The following TMEM130 variants were observed in gnomAD, a reference collection of about 807,000 sequenced individuals.
The protein encoded by TMEM130 is transmembrane protein 130.
TMEM130 carries 37 observed loss-of-function variants against 42.9 expected under a neutral mutation model. The observed-to-expected ratio is 0.86, with a 90% CI of 0.66 to 1.13. The LOEUF is 1.13. TMEM130 is among the 50% of genes most tolerant of loss of function. The pLI, the probability that TMEM130 is intolerant of heterozygous loss-of-function variation, is 0.00. For missense variants in TMEM130, 545 were observed against 562.6 expected, an observed-to-expected ratio of 0.97 and a Z score of 0.32; for synonymous variants, 259 against 237.7, an observed-to-expected ratio of 1.09 and a Z score of -0.82.
At position 98,849,331 on chromosome 7, in the gene TMEM130, G is replaced by C. The variant is rs758619203; in HGVS notation, c.1007-636C>G. On this transcript the variant is annotated intron_variant, in intron 6 of 7. Transcript: ENST00000339375. ...TGCTAAGGAGATGCAACAAGAAGAGGGGTGTTGATGTGTGTGGCATGTGGT... is the reference window on the plus strand; with the variant it reads ...TGCTAAGGAGATGCAACAAGAAGAGCGGTGTTGATGTGTGTGGCATGTGGT... Among the ~76,000 whole-genome samples the C allele has an allele frequency of 4.6e-5, 7 of 152,160 alleles. No individual in the cohort carries two copies. In the East Asian group the frequency reaches 1.3e-3, roughly 29 times the overall value.
intron 3 of TMEM130, among the ~76,000 whole-genome samples, chr7:98,857,875 C>T (rs782380867): frequency 1.3e-5 from 2 of 151,864 alleles, no homozygotes; most frequent in African/African-American, 2.4e-5. Flanking sequence ...CAGGCGCACA[C>T]CACCATGCCT....
At chr7:98,849,373 T>A (rs1289273061) in intron 6 of TMEM130, among the ~76,000 whole-genome samples, 3 of 152,078 alleles carry the variant, frequency 2.0e-5, no homozygotes, top group Non-Finnish European at 4.4e-5. Context: ...TCAGGAAGTG[T>A]GGGTTCCCTC....
intron 2 of TMEM130, among the ~76,000 whole-genome samples, chr7:98,862,371 CAGAA>C (rs1468537005): frequency 1.4e-5 from 2 of 147,350 alleles, no homozygotes; most frequent in African/African-American, 2.5e-5. Flanking sequence ...CAGAGAGAGA[CAGAA>C]AGAGACAGAC....
At chr7:98,867,229 G>A (rs945532509) in intron 1 of TMEM130, among the ~76,000 whole-genome samples, 1 of 152,186 alleles carries the variant, frequency 6.6e-6, no homozygotes, top group Admixed American at 6.5e-5. Flanking sequence ...CAGAAGCTGT[G>A]ATGGGAGCTT....
In TMEM130 at chr7:98,855,242, C is replaced by T. The variant is rs1794600472; in HGVS notation, c.801G>A (p.Gly267=). ...QKMTVTLNFL[G]SPPLTVCWRL... ...AGTGCGCTCTGGAGCTCACTTACCT[C>T]CCCAGGAAGTTCAAGGTCACGGTCA... Residue 267 remains glycine, a splice_region_variant and synonymous_variant, in exon 5 of 8, where the codon GGG becomes GGA. Coordinates refer to ENST00000339375, the MANE Select transcript of TMEM130 (RefSeq NM_152913.3). 1.9e-6 allele frequency: 3 copies of T among 1,612,912 alleles called. No individual in the cohort carries two copies. The highest frequency in any genetic ancestry group is 2.5e-6 in the Non-Finnish European group (3 of 1,179,354).
At chr7:98,850,023 G>A (rs916408140) in intron 6 of TMEM130, among the ~76,000 whole-genome samples, 1 of 151,792 alleles carries the variant, frequency 6.6e-6, no homozygotes, top group Admixed American at 6.6e-5. Context: ...CAAGAAAGAA[G>A]GTTGGGCATC....
intron 3 of TMEM130, among the ~76,000 whole-genome samples, chr7:98,858,999 G>A (rs1794694775): frequency 6.8e-6 from 1 of 148,064 alleles, no homozygotes. Context: ...AGGGAGGGAG[G>A]GGAGAGGAGA....
chr7:98,854,916 A>C (rs1329720977), intron 5 of TMEM130, among the ~76,000 whole-genome samples: 1 of 152,036 alleles, frequency 6.6e-6, no homozygotes, highest in Non-Finnish European at 1.5e-5. Flanking sequence ...TGCACCTGTA[A>C]TCCCAGCTAG....
At chr7:98,860,410 T>C (rs879982152) in intron 2 of TMEM130, 72 bp from the exon 3 acceptor site, 3 of 1,454,624 alleles carry the variant, frequency 2.1e-6, no homozygotes, top group East Asian at 2.4e-5. Context: ...AGAGACTTCA[T>C]GGGCAGCTGT....
At chr7:98,858,681 T>G (rs1447395924) in intron 3 of TMEM130, among the ~76,000 whole-genome samples, 1 of 151,994 alleles carries the variant, frequency 6.6e-6, no homozygotes, top group African/African-American at 2.4e-5. Flanking sequence ...TAAGATCCTG[T>G]CTCTACAAAA....
At chr7:98,853,591 G>A (rs1441496519) in intron 5 of TMEM130, among the ~76,000 whole-genome samples, 1 of 152,234 alleles carries the variant, frequency 6.6e-6, no homozygotes, top group Non-Finnish European at 1.5e-5. Flanking sequence ...TTGCACCACT[G>A]CACTCAAGCC....
intron 4 of TMEM130, 93 bp from the exon 5 acceptor site, chr7:98,855,417 TC>T: frequency 9.0e-7 from 1 of 1,108,784 alleles, no homozygotes; most frequent in Non-Finnish European, 1.3e-6. Flanking sequence ...CACCCTGTCC[TC>T]CCCTCCGTCC....
chr7:98,852,892 T>G (rs1353105828), intron 5 of TMEM130, among the ~76,000 whole-genome samples: 1 of 152,214 alleles, frequency 6.6e-6, no homozygotes, highest in South Asian at 2.1e-4. Context: ...CTACCGTCCC[T>G]GACCATGAGA....
intron 3 of TMEM130, 72 bp downstream of exon 3, chr7:98,860,107 T>A: frequency 1.5e-6 from 2 of 1,293,342 alleles, no homozygotes; most frequent in Non-Finnish European, 2.0e-6. Flanking sequence ...AGATTCGGAG[T>A]ACCCTGCACA....
At chr7:98,865,890 G>A (rs1276815241) in intron 1 of TMEM130, 2 of 159,104 alleles carry the variant, frequency 1.3e-5, no homozygotes, top group Middle Eastern at 6.1e-4. Flanking sequence ...TGGGGATGTG[G>A]GGACAGTAGA....
intron 1 of TMEM130, among the ~76,000 whole-genome samples, chr7:98,867,361 C>T (rs1420999345): frequency 6.6e-6 from 1 of 152,118 alleles, no homozygotes; most frequent in Non-Finnish European, 1.5e-5. Context: ...TCTCCCTCCC[C>T]ACTTTGGCTG....
Position 98,863,150 on chromosome 7 carries a change from A to G in TMEM130, c.336T>C (p.Ala112=), listed in dbSNP as rs1554400085. ...EFPVSVWVTA[A]DCWMCQPVAR... Reference sequence around the variant, plus strand: ...CCACAGGCTGGCACATCCAGCAGTCAGCGGCAGTGACCCAGACAGAGACCG... The same window carrying G: ...CCACAGGCTGGCACATCCAGCAGTCGGCGGCAGTGACCCAGACAGAGACCG... Residue 112 remains alanine, a synonymous_variant, in exon 2 of 8, where the codon GCT becomes GCC. Transcript: ENST00000339375. 1 of 1,614,072 alleles carries G rather than the reference A, an allele frequency of 6.2e-7. No individual in the cohort carries two copies. The highest frequency in any genetic ancestry group is 8.5e-7 in the Non-Finnish European group (1 of 1,180,038).
chr7:98,847,830 G>A lies in TMEM130; in HGVS notation c.*226C>T, dbSNP rs1358423848. On this transcript the variant is annotated 3_prime_UTR_variant, in exon 8 of 8. Transcript: ENST00000339375. ...GGGTCAAGGGGGTGGTAACCGAGTG[G>A]GGCTTATGTCAGTGGCTGGACTGTA... 2.3e-6 allele frequency: 1 copy of A among 429,412 alleles called. No individual in the cohort carries two copies. The highest frequency in any genetic ancestry group is 2.0e-5 in the African/African-American group (1 of 49,554). 26.6% of individuals were successfully genotyped at this position (429,412 alleles called of 1,614,324 possible).
Position 98,869,646 on chromosome 7 carries a change from G to T in TMEM130, c.85+131C>A. ...GGGCGCTGCAGTGGCCTCAGCCGAG[G>T]AGGGAGATGCGCGCAGGGCGCACGG... is the stretch of plus-strand genomic sequence containing the variant. On this transcript the variant is annotated intron_variant, in intron 1 of 7. Coordinates refer to ENST00000339375, the MANE Select transcript of TMEM130 (RefSeq NM_152913.3). The surrounding 1 kb of genome is among the most constrained non-coding windows in gnomAD (Gnocchi z 4.7). 1.4e-6 allele frequency: 1 copy of T among 710,230 alleles called. No homozygotes were observed. Among genetic ancestry groups the T allele is most frequent in the South Asian group, 3.2e-5 (1 of 31,182 alleles). 44.0% of individuals were successfully genotyped at this position (710,230 alleles called of 1,614,324 possible). A position where few individuals can be genotyped will look rare whatever the true frequency, so the allele number is the denominator to read the frequency against.
Sources: gnomAD v4.1 joint callset for allele counts (sites outside exome capture counted in the v4.1 genomes callset) on GRCh38, gnomAD v4.1.1 for gene constraint, Gnocchi (gnomAD v3.1) non-coding constraint, MANE v1.5 for transcripts, NCBI Gene and HGNC (gene_info 2026-07-23, HGNC 2026-07-21) for gene names.